Variants in PHACTR1 observed in about 807,000 individuals in gnomAD.
PHACTR1 encodes the protein RPEL repeat containing 1.
In PHACTR1, 16 loss-of-function variants were observed where a neutral mutation model predicts 69.2. The observed-to-expected ratio is 0.23, with a 90% CI of 0.16 to 0.35. The LOEUF (loss-of-function observed/expected upper bound fraction) is 0.35, where lower values mean the gene tolerates loss of function less well. Among genes scored for constraint, PHACTR1 ranks in the 10% least tolerant of loss-of-function variants. The pLI is 1.00. For missense variants in PHACTR1, 510 were observed against 734.7 expected, an observed-to-expected ratio of 0.69 and a Z score of 3.54; for synonymous variants, 312 against 284.5, an observed-to-expected ratio of 1.10 and a Z score of -0.97.
chr6:13,209,308 T>G (rs1391986961), intron 8 of PHACTR1, among the ~76,000 whole-genome samples: 1 of 152,224 alleles, frequency 6.6e-6, no homozygotes, highest in African/African-American at 2.4e-5. Context: ...TCAACATGAT[T>G]TCATTCTTGT....
chr6:13,120,977 A>C (rs1412545388), intron 5 of PHACTR1, among the ~76,000 whole-genome samples: 1 of 152,188 alleles, frequency 6.6e-6, no homozygotes, highest in Non-Finnish European at 1.5e-5. Context: ...CCCTAGTCTA[A>C]AGAACATGAG....
chr6:12,727,120 C>T (rs769889213), intron 3 of PHACTR1, among the ~76,000 whole-genome samples: 18 of 152,306 alleles, frequency 1.2e-4, no homozygotes, highest in Admixed American at 2.0e-4. Flanking sequence ...TGACAAACTA[C>T]CTACCATGCC....
At chr6:12,847,653 A>G (rs968043472) in intron 4 of PHACTR1, among the ~76,000 whole-genome samples, 1 of 152,142 alleles carries the variant, frequency 6.6e-6, no homozygotes, top group Non-Finnish European at 1.5e-5. Context: ...GCAGCCATCT[A>G]GTATAAGAAA....
chr6:12,901,378 T>C (rs930489811), intron 4 of PHACTR1, among the ~76,000 whole-genome samples: 1 of 151,652 alleles, frequency 6.6e-6, no homozygotes, highest in African/African-American at 2.4e-5. Flanking sequence ...GGTAATGTGA[T>C]CCAAAAAGCT....
In PHACTR1 at chr6:12,835,840, G is replaced by A. The variant is rs1019397290; in HGVS notation, c.250+86050G>A. ...GTGGAAATATCTAAATTAAGATTCA[G>A]GTTTTTGGGACACACACAAAAGAAA... On this transcript the variant is annotated intron_variant, in intron 4 of 14. Coordinates refer to ENST00000332995, the MANE Select transcript of PHACTR1 (RefSeq NM_030948.6). Among the ~76,000 whole-genome samples the A allele has an allele frequency of 1.1e-4, 17 of 152,118 alleles. No individual in the cohort carries two copies. The East Asian group carries it at 3.3e-3, about 29-fold the overall frequency.
intron 4 of PHACTR1, among the ~76,000 whole-genome samples, chr6:12,775,605 G>A (rs890395858): frequency 1.3e-5 from 2 of 152,188 alleles, no homozygotes; most frequent in Admixed American, 6.5e-5. Flanking sequence ...ACCCATTGTG[G>A]TGGAGAAAAT....
intron 4 of PHACTR1, among the ~76,000 whole-genome samples, chr6:12,851,777 T>G (rs556408696): frequency 3.9e-5 from 6 of 152,216 alleles, no homozygotes; most frequent in Non-Finnish European, 8.8e-5. Context: ...TTGTCATGTA[T>G]TCCATGATCT....
At chr6:13,284,545 T>TATAG (rs1781149468) in intron 13 of PHACTR1, among the ~76,000 whole-genome samples, 1 of 59,658 alleles carries the variant, frequency 1.7e-5, no homozygotes, top group African/African-American at 1.1e-4. Context: ...AAAAAAAAAA[T>TATAG]ATATATATAT....
At chr6:12,977,659 A>C (rs2127589906) in intron 4 of PHACTR1, among the ~76,000 whole-genome samples, 1 of 152,354 alleles carries the variant, frequency 6.6e-6, no homozygotes. Context: ...AGTTAAATGA[A>C]CATGCCACTA....
intron 4 of PHACTR1, among the ~76,000 whole-genome samples, chr6:12,975,914 C>G (rs1164759415): frequency 6.6e-6 from 1 of 152,190 alleles, no homozygotes; most frequent in African/African-American, 2.4e-5. Flanking sequence ...CCAGCCAGTG[C>G]TATAGGTAAA....
intron 5 of PHACTR1, among the ~76,000 whole-genome samples, chr6:13,113,419 C>T (rs1160898563): frequency 6.6e-6 from 1 of 152,088 alleles, no homozygotes; most frequent in African/African-American, 2.4e-5. Flanking sequence ...CCAGTCTCTT[C>T]CAGAGAAAGG....
intron 4 of PHACTR1, among the ~76,000 whole-genome samples, chr6:12,890,834 TTA>T (rs375286310): frequency 3.5e-3 from 535 of 152,350 alleles, no homozygotes; most frequent in Non-Finnish European, 5.8e-3. Flanking sequence ...ATATTACCTT[TTA>T]ACCTTCCTAA....
chr6:13,163,572 A>C (rs1372447556), intron 6 of PHACTR1, among the ~76,000 whole-genome samples: 1 of 152,204 alleles, frequency 6.6e-6, no homozygotes, highest in African/African-American at 2.4e-5. Context: ...ACTTCGTTGC[A>C]CATAGTAGTG....
At chr6:12,839,719 T>C (rs1469849041) in intron 4 of PHACTR1, among the ~76,000 whole-genome samples, 2 of 152,208 alleles carry the variant, frequency 1.3e-5, no homozygotes, top group Non-Finnish European at 2.9e-5. Context: ...TTCGCCCTTA[T>C]GCATAACACA....
intron 4 of PHACTR1, among the ~76,000 whole-genome samples, chr6:12,916,393 T>A (rs1350803183): frequency 6.6e-6 from 1 of 152,232 alleles, no homozygotes; most frequent in African/African-American, 2.4e-5. Flanking sequence ...AATTTCCACC[T>A]CAGATGTCAA....
At chr6:12,736,434 T>C (rs942295282) in intron 3 of PHACTR1, among the ~76,000 whole-genome samples, 1 of 152,148 alleles carries the variant, frequency 6.6e-6, no homozygotes, top group African/African-American at 2.4e-5. Context: ...TGCCTGACTA[T>C]AATATACCAG....
At chr6:12,997,254 GTAAA>G (rs1380625729) in intron 4 of PHACTR1, among the ~76,000 whole-genome samples, 2 of 147,252 alleles carry the variant, frequency 1.4e-5, no homozygotes, top group Non-Finnish European at 3.0e-5. Flanking sequence ...TTATATATAA[GTAAA>G]TATATATTAG....
At chr6:13,069,424 A>G (rs1343671911) in intron 5 of PHACTR1, among the ~76,000 whole-genome samples, 2 of 152,076 alleles carry the variant, frequency 1.3e-5, no homozygotes, top group Non-Finnish European at 2.9e-5. Context: ...CACCAGGTCT[A>G]GTGCCTCTGC....
At chr6:12,818,283 A>G (rs1427111061) in intron 4 of PHACTR1, among the ~76,000 whole-genome samples, 1 of 152,082 alleles carries the variant, frequency 6.6e-6, no homozygotes, top group Non-Finnish European at 1.5e-5. Context: ...TTTGGGCTTG[A>G]TGGTCAAGGA....
Sources: gnomAD v4.1 joint callset for allele counts (sites outside exome capture counted in the v4.1 genomes callset) on GRCh38, gnomAD v4.1.1 for gene constraint, MANE v1.5 for transcripts, NCBI Gene and HGNC (gene_info 2026-07-23, HGNC 2026-07-21) for gene names.